Variants in MAD2L2 observed in about 807,000 individuals in gnomAD.
MAD2L2 encodes mitotic spindle assembly checkpoint protein MAD2B.
In MAD2L2, 17 loss-of-function variants were observed where a neutral mutation model predicts 30.5. That is an observed-to-expected ratio of 0.56 (90% CI 0.38 to 0.84). MAD2L2 has a LOEUF of 0.84. Among genes scored for constraint, MAD2L2 ranks in the 40% least tolerant of loss-of-function variants. MAD2L2 has a pLI of 0.00. For missense variants in MAD2L2, 213 were observed against 277.4 expected, an observed-to-expected ratio of 0.77 and a Z score of 1.65; for synonymous variants, 101 against 113.9, an observed-to-expected ratio of 0.89 and a Z score of 0.72.
Position 11,676,829 on chromosome 1 carries a change from AGG to A in MAD2L2, c.332+17_332+18del, listed in dbSNP as rs758974208. 1.0e-5 allele frequency: 16 copies of A among 1,598,226 alleles called. No homozygotes were observed. The Admixed American group carries it at 1.7e-4, about 17-fold the overall frequency. ...CACACCTGATGCCAGCTAGTGGGCG[AGG>A]GGCAGGGGCAGCCCACCTGATGGAC... On this transcript the variant is annotated intron_variant, in intron 5 of 8. Coordinates refer to ENST00000376692, the MANE Select transcript of MAD2L2 (RefSeq NM_006341.4).
rs1226063118 is a variant in MAD2L2, at chr1:11,677,608, A to G, written c.166T>C (p.Cys56Arg). 2 of 1,613,048 alleles carry G rather than the reference A, an allele frequency of 1.2e-6. No homozygotes were observed. The highest frequency in any genetic ancestry group is 2.2e-5 in the South Asian group (2 of 91,052). Residue 56 changes from cysteine (C) to arginine (R), a missense_variant, in exon 4 of 9, where the codon TGC (cysteine) becomes CGC (arginine). Physicochemically the swap from Cys to Arg is radical, Grantham distance 180. Coordinates refer to ENST00000376692, the MANE Select transcript of MAD2L2 (RefSeq NM_006341.4). ...KKYNVPVQMS[C>R]HPELNQYIQD... ...ATATACTGATTCAGCTCCGGGTGGC[A>G]GGACATCTGCACACAATACCATGCG...
At chr1:11,678,753 A>G (rs28924101) in intron 3 of MAD2L2, among the ~76,000 whole-genome samples, 30,488 of 152,100 alleles carry the variant, frequency 0.2, 4,322 homozygotes, top group African/African-American at 0.4. Flanking sequence ...TAAACCAATC[A>G]AATATCGCCA....
upstream of MAD2L2, chr1:11,681,723 A>G (rs1397960521): frequency 1.3e-5 from 2 of 152,302 alleles, no homozygotes; most frequent in Non-Finnish European, 2.9e-5. Context: ...CCTACGCTTC[A>G]TAACAATAGC....
At chr1:11,677,258 G>A (rs1469388313) in intron 4 of MAD2L2, 9 of 596,634 alleles carry the variant, frequency 1.5e-5, no homozygotes, top group Non-Finnish European at 2.7e-5. Context: ...GGAGAACAGG[G>A]GACGGATGTG....
At chr1:11,686,344 G>A (rs1280367401) in intron 1 of MAD2L2, among the ~76,000 whole-genome samples, 2 of 152,232 alleles carry the variant, frequency 1.3e-5, no homozygotes, top group African/African-American at 4.8e-5. Flanking sequence ...ACTTCAGCCA[G>A]AGCAAAGCCC....
chr1:11,678,693 C>T (rs1438301735), intron 3 of MAD2L2, among the ~76,000 whole-genome samples: 2 of 152,108 alleles, frequency 1.3e-5, no homozygotes, highest in African/African-American at 4.8e-5. Flanking sequence ...ATTGTTTTTT[C>T]CTTTCCCCTC....
intron 1 of MAD2L2, 151 bp downstream of exon 1, chr1:11,680,888 G>A: frequency 3.8e-6 from 3 of 791,030 alleles, no homozygotes; most frequent in Non-Finnish European, 5.0e-6. Context: ...GGGCAGGGCC[G>A]CGGACGCAGA....
At chr1:11,689,237 G>T (rs1182349649) in intron 1 of MAD2L2, among the ~76,000 whole-genome samples, 2 of 144,298 alleles carry the variant, frequency 1.4e-5, no homozygotes, top group African/African-American at 5.1e-5. Flanking sequence ...AGAAGTTGCA[G>T]TGAGCCGAGA....
intron 4 of MAD2L2, 21 bp downstream of exon 4, chr1:11,677,522 G>C: frequency 6.2e-7 from 1 of 1,611,794 alleles, no homozygotes; most frequent in Non-Finnish European, 8.5e-7. Flanking sequence ...GAGATGGCTG[G>C]GGAGCCCAGT....
intron 5 of MAD2L2, 31 bp from the exon 6 acceptor site, chr1:11,676,171 C>G: frequency 7.0e-7 from 1 of 1,435,426 alleles, no homozygotes; most frequent in Non-Finnish European, 9.6e-7. Context: ...TCCCATCACA[C>G]TGGCGCCCTC....
intron 3 of MAD2L2, among the ~76,000 whole-genome samples, chr1:11,678,793 A>G (rs1381324006): frequency 6.6e-6 from 1 of 152,250 alleles, no homozygotes; most frequent in African/African-American, 2.4e-5. Flanking sequence ...CACATAACAT[A>G]CAGAACATCA....
chr1:11,687,115 G>C lies in MAD2L2; in HGVS notation c.-692+4298C>G, dbSNP rs1640971779. On this transcript the variant is annotated intron_variant, in intron 1 of 10. Transcript: ENST00000235310. The surrounding 1 kb of genome is among the most constrained non-coding windows in gnomAD (Gnocchi z 4.1). ...GGGTCTCACTCTGTCATCTAGGCTG[G>C]AGTGCAGTGACGCAATCACAGCTCA... Among the ~76,000 whole-genome samples the C allele has an allele frequency of 1.3e-5, 2 of 152,020 alleles. No individual in the cohort carries two copies. Among genetic ancestry groups the C allele is most frequent in the African/African-American group, 4.8e-5 (2 of 41,370 alleles).
upstream of MAD2L2, chr1:11,681,318 A>T (rs1411966320): frequency 6.6e-6 from 1 of 152,066 alleles, no homozygotes; most frequent in East Asian, 1.9e-4. Flanking sequence ...CCGCCGCGCC[A>T]CCTCCCTTCA....
upstream of MAD2L2, among the ~76,000 whole-genome samples, chr1:11,683,692 G>A (rs1640911768): frequency 6.6e-6 from 1 of 152,106 alleles, no homozygotes; most frequent in Non-Finnish European, 1.5e-5. Flanking sequence ...CGTCAGCTGG[G>A]CACGGTGGGT....
At chr1:11,679,630 G>C in intron 3 of MAD2L2, among the ~76,000 whole-genome samples, 1 of 151,254 alleles carries the variant, frequency 6.6e-6, no homozygotes, top group Non-Finnish European at 1.5e-5. Flanking sequence ...GGGTTCAAGC[G>C]AGTCTCCTGC....
At chr1:11,684,324 A>T (rs1285770804), upstream of MAD2L2, among the ~76,000 whole-genome samples, 1 of 152,126 alleles carries the variant, frequency 6.6e-6, no homozygotes, top group Non-Finnish European at 1.5e-5. Context: ...TTATGGGGTT[A>T]ATTTATTACA....
chr1:11,677,390 G>C, intron 4 of MAD2L2, 153 bp downstream of exon 4: 1 of 749,708 alleles, frequency 1.3e-6, no homozygotes, highest in Non-Finnish European at 2.2e-6. Flanking sequence ...GGTTGGGATG[G>C]TCTCCAGAGT....
intron 6 of MAD2L2, 56 bp downstream of exon 6, chr1:11,675,966 AAACATGGACCTGGGAACACAGACC>A (rs1386406400): frequency 8.0e-7 from 1 of 1,249,720 alleles, no homozygotes; most frequent in Non-Finnish European, 1.2e-6. Context: ...CAGAACAGCC[AAACATGGACCTGGGAACACAGACC>A]AACCCGAGAT....
chr1:11,675,937 G>A (rs1640759645), intron 6 of MAD2L2, 109 bp downstream of exon 6: 3 of 997,256 alleles, frequency 3.0e-6, no homozygotes, highest in Admixed American at 1.8e-5. Flanking sequence ...GACTCTCAGG[G>A]TTAGGAAGAG....
Sources: allele counts gnomAD v4.1 joint callset (sites outside exome capture counted in the v4.1 genomes callset), GRCh38; gene constraint gnomAD v4.1.1; non-coding constraint Gnocchi (gnomAD v3.1); transcripts MANE v1.5; gene names NCBI Gene and HGNC (gene_info 2026-07-23, HGNC 2026-07-21).